LRCH1: variants seen among roughly 807,000 people sequenced by gnomAD.
LRCH1 encodes leucine-rich repeat and calponin homology domain-containing protein 1.
LRCH1 carries 23 observed loss-of-function variants against 94.9 expected under a neutral mutation model. The observed-to-expected ratio is 0.24, with a 90% CI of 0.17 to 0.34. LRCH1 has a LOEUF of 0.34. Ranked by LOEUF, LRCH1 falls within the 10% of genes least tolerant of loss-of-function variation. The probability of loss-of-function intolerance (pLI) is 1.00; values close to 1 mark genes in which losing one functional copy is unlikely to be tolerated. For missense variants in LRCH1, 790 were observed against 945.9 expected, an observed-to-expected ratio of 0.84 and a Z score of 2.16; for synonymous variants, 364 against 354.9, an observed-to-expected ratio of 1.03 and a Z score of -0.29.
intron 3 of LRCH1, among the ~76,000 whole-genome samples, chr13:46,681,045 C>T (rs1356814852): frequency 6.6e-6 from 1 of 152,120 alleles, no homozygotes; most frequent in Non-Finnish European, 1.5e-5. Context: ...AATGTCAAGG[C>T]CTCCATTTCT....
intron 16 of LRCH1, among the ~76,000 whole-genome samples, chr13:46,716,232 C>T (rs979771239): frequency 2.6e-5 from 4 of 152,034 alleles, no homozygotes; most frequent in African/African-American, 9.7e-5. Flanking sequence ...ATCTTTTTGA[C>T]ATTCAAGGAT....
Position 46,647,344 on chromosome 13 carries a change from T to C in LRCH1, c.308-2857T>C, listed in dbSNP as rs143937596. 5.5e-3 allele frequency among the ~76,000 whole-genome samples: 842 copies of C among 152,234 alleles called. 7 individuals carry two copies. Among genetic ancestry groups the C allele is most frequent in the African/African-American group, 0.019 (791 of 41,524 alleles). Reference sequence around the variant, plus strand: ...AGATGAAAAATACTATCCCATTTAGTTGTAATTTGTGTCACTCTAATTTGA... The same window carrying C: ...AGATGAAAAATACTATCCCATTTAGCTGTAATTTGTGTCACTCTAATTTGA... On this transcript the variant is annotated intron_variant, in intron 1 of 19. Coordinates refer to ENST00000389797, the MANE Select transcript of LRCH1 (RefSeq NM_001164211.2).
In LRCH1 at chr13:46,694,954, A is replaced by G. The variant is rs533856280; in HGVS notation, c.1182A>G (p.Gly394=). 44 of 1,614,196 alleles carry G rather than the reference A, an allele frequency of 2.7e-5. No homozygotes were observed. The highest frequency in any genetic ancestry group is 3.4e-5 in the Non-Finnish European group (40 of 1,179,990). Residue 394 remains glycine, a synonymous_variant, in exon 9 of 20, where the codon GGA becomes GGG. Coordinates refer to ENST00000389797, the MANE Select transcript of LRCH1 (RefSeq NM_001164211.2). ...TTTTGGGTGACAGCACCAACTCAGGAGAAGAAAGAGACCAGTTTACTGATA... is the reference window on the plus strand; with the variant it reads ...TTTTGGGTGACAGCACCAACTCAGGGGAAGAAAGAGACCAGTTTACTGATA... ...PSLLGDSTNS[G]EERDQFTDRA...
At chr13:46,704,716 A>G (rs1250955707) in intron 11 of LRCH1, among the ~76,000 whole-genome samples, 2 of 152,230 alleles carry the variant, frequency 1.3e-5, no homozygotes, top group East Asian at 1.9e-4. Context: ...TACATATACT[A>G]TAATGTAATA....
At chr13:46,669,236 G>C in intron 3 of LRCH1, 80 bp downstream of exon 3, 3 of 1,540,904 alleles carry the variant, frequency 1.9e-6, no homozygotes, top group Non-Finnish European at 1.8e-6. Flanking sequence ...AAACCTTTTT[G>C]CTACGGTTGG....
chr13:46,565,311 A>C (rs1315742784), intron 1 of LRCH1, among the ~76,000 whole-genome samples: 1 of 152,298 alleles, frequency 6.6e-6, no homozygotes, highest in East Asian at 1.9e-4. Flanking sequence ...GTGTGTGTAC[A>C]TGTTATTTAT....
At chr13:46,715,509 TC>T in intron 15 of LRCH1, 50 bp from the exon 16 acceptor site, 1 of 1,077,736 alleles carries the variant, frequency 9.3e-7, no homozygotes, top group Non-Finnish European at 1.4e-6. Context: ...CTTTGGTTTT[TC>T]CTGGTCCTTG....
At chr13:46,638,875 G>A (rs2051124920) in intron 1 of LRCH1, among the ~76,000 whole-genome samples, 1 of 152,176 alleles carries the variant, frequency 6.6e-6, no homozygotes, top group Non-Finnish European at 1.5e-5. Context: ...ACCTTTGCAA[G>A]GGGGGTGGGT....
intron 1 of LRCH1, among the ~76,000 whole-genome samples, chr13:46,643,585 C>T (rs1487279481): frequency 6.6e-6 from 1 of 152,140 alleles, no homozygotes; most frequent in Admixed American, 6.5e-5. Context: ...ACATCTTGAT[C>T]CACACTCACT....
intron 17 of LRCH1, 43 bp downstream of exon 17, chr13:46,723,373 C>T (rs982966756): frequency 6.6e-6 from 9 of 1,355,448 alleles, no homozygotes; most frequent in South Asian, 1.2e-5. Flanking sequence ...ATTTAAGCAA[C>T]ATTCTACATT....
At chr13:46,593,165 G>A (rs1462792022) in intron 1 of LRCH1, among the ~76,000 whole-genome samples, 4 of 151,218 alleles carry the variant, frequency 2.6e-5, no homozygotes, top group Non-Finnish European at 4.4e-5. Flanking sequence ...ATTAAGTGAT[G>A]TTCAGTACTT....
At chr13:46,721,336 C>T (rs539638304) in intron 16 of LRCH1, among the ~76,000 whole-genome samples, 16 of 152,250 alleles carry the variant, frequency 1.1e-4, no homozygotes, top group Non-Finnish European at 2.2e-4. Flanking sequence ...GTTGAGGCGC[C>T]CCTTGCTGGC....
intron 13 of LRCH1, among the ~76,000 whole-genome samples, chr13:46,707,159 A>G (rs2138191011): frequency 6.6e-6 from 1 of 152,244 alleles, no homozygotes; most frequent in African/African-American, 2.4e-5. Flanking sequence ...CAGATACTGC[A>G]TTTGATTGTC....
rs996232032 is a variant in LRCH1 at position 46,743,965 on chromosome 13, C to T, written c.*2117C>T. 5.1e-5 allele frequency: 50 copies of T among 985,244 alleles called. No individual in the cohort carries two copies. Among genetic ancestry groups the T allele is most frequent in the Non-Finnish European group, 5.5e-5 (46 of 829,930 alleles). The allele number at this position is 985,244 out of a possible 1,614,324, so 61.0% of individuals were successfully genotyped here. ...AATTTGTCTGTACTCTGCTGCGCTG[C>T]ACTTCTTGGGATTTATTGGATGATG... On this transcript the variant is annotated 3_prime_UTR_variant, in exon 20 of 20. Coordinates refer to ENST00000389797, the MANE Select transcript of LRCH1 (RefSeq NM_001164211.2).
chr13:46,747,068 C>T (rs1873939249), downstream of LRCH1, among the ~76,000 whole-genome samples: 1 of 151,904 alleles, frequency 6.6e-6, no homozygotes, highest in African/African-American at 2.4e-5. Context: ...TCTGAGGGCA[C>T]CTCTGGGCTT....
At chr13:46,748,614 A>C (rs1056209857), downstream of LRCH1, among the ~76,000 whole-genome samples, 1 of 152,150 alleles carries the variant, frequency 6.6e-6, no homozygotes, top group African/African-American at 2.4e-5. Flanking sequence ...AGGAGGCACC[A>C]TTGTTAACAG....
At chr13:46,555,270 C>T (rs545399401) in intron 1 of LRCH1, among the ~76,000 whole-genome samples, 2 of 152,192 alleles carry the variant, frequency 1.3e-5, no homozygotes, top group Admixed American at 6.5e-5. Flanking sequence ...ATTTTACTTC[C>T]CTTCTGCTAT....
chr13:46,576,562 C>T (rs2050307082), intron 1 of LRCH1, among the ~76,000 whole-genome samples: 1 of 152,214 alleles, frequency 6.6e-6, no homozygotes, highest in Admixed American at 6.5e-5. Context: ...CTGAGCTTTA[C>T]ATGTTGTCTC....
At chr13:46,669,972 C>T (rs115009265) in intron 3 of LRCH1, among the ~76,000 whole-genome samples, 176 of 152,268 alleles carry the variant, frequency 1.2e-3, no homozygotes, top group African/African-American at 4.0e-3. Flanking sequence ...CAGTCTAGAA[C>T]AATGATGGCC....
Sources: allele counts gnomAD v4.1 joint callset (sites outside exome capture counted in the v4.1 genomes callset), GRCh38; gene constraint gnomAD v4.1.1; transcripts MANE v1.5; gene names NCBI Gene and HGNC (gene_info 2026-07-23, HGNC 2026-07-21).